Variants in WNK1 observed in about 807,000 individuals in gnomAD.
WNK1 encodes serine/threonine-protein kinase WNK1.
A neutral mutation model predicts 222.8 loss-of-function variants in WNK1; 38 were observed. The observed-to-expected ratio is 0.17, with a 90% CI of 0.13 to 0.22. The LOEUF (loss-of-function observed/expected upper bound fraction) is 0.22, where lower values mean the gene tolerates loss of function less well. Ranked by LOEUF, WNK1 falls within the 10% of genes least tolerant of loss-of-function variation. The pLI is 1.00. For synonymous variants in WNK1, 1,090 were observed against 1,092.9 expected (o/e 1.00, Z 0.05); for missense variants, 2,348 against 2,918.4 (o/e 0.80, Z 4.50).
chr12:895,865 A>C (rs1275281530), intron 23 of WNK1, among the ~76,000 whole-genome samples: 1 of 152,226 alleles, frequency 6.6e-6, no homozygotes, highest in Non-Finnish European at 1.5e-5. Context: ...CCAGCCACAC[A>C]GAATCTGCAT....
intron 8 of WNK1, chr12:865,333 G>T: frequency 6.5e-7 from 1 of 1,536,080 alleles, no homozygotes; most frequent in Non-Finnish European, 8.7e-7. Flanking sequence ...AAGCACCGAC[G>T]CTCCAGCCTG....
At chr12:769,200 T>C (rs1942151820) in intron 1 of WNK1, among the ~76,000 whole-genome samples, 3 of 151,372 alleles carry the variant, frequency 2.0e-5, no homozygotes, top group African/African-American at 7.3e-5. Context: ...GAAGCTACCT[T>C]CCGTTTCCTT....
intron 1 of WNK1, among the ~76,000 whole-genome samples, chr12:792,138 CAA>C (rs745695056): frequency 1.3e-5 from 2 of 151,912 alleles, no homozygotes; most frequent in African/African-American, 4.8e-5. Flanking sequence ...CTTGTCAAGG[CAA>C]AGTTTTTTGA....
intron 4 of WNK1, among the ~76,000 whole-genome samples, chr12:831,985 A>G (rs1054274316): frequency 1.3e-5 from 2 of 151,958 alleles, no homozygotes; most frequent in African/African-American, 2.4e-5. Flanking sequence ...ATGTAATTTA[A>G]TTGAATTTTG....
intron 20 of WNK1, 81 bp from the exon 21 acceptor site, chr12:889,059 G>GT: frequency 9.7e-7 from 1 of 1,026,624 alleles, no homozygotes; most frequent in Non-Finnish European, 1.6e-6. Flanking sequence ...GCATAAAACA[G>GT]TGTGTCCTAT....
At chr12:888,926 C>CT (rs1213227778) in intron 20 of WNK1, among the ~76,000 whole-genome samples, 10 of 152,224 alleles carry the variant, frequency 6.6e-5, no homozygotes, top group Non-Finnish European at 8.8e-5. Flanking sequence ...ATGAACTACT[C>CT]TGAGCCTTGA....
At chr12:814,783 A>G (rs2154012498) in intron 2 of WNK1, among the ~76,000 whole-genome samples, 1 of 152,286 alleles carries the variant, frequency 6.6e-6, no homozygotes, top group South Asian at 2.1e-4. Flanking sequence ...CAAGCACATT[A>G]CATTTATTGT....
intron 4 of WNK1, among the ~76,000 whole-genome samples, chr12:833,124 T>C (rs1391525593): frequency 6.6e-6 from 1 of 152,200 alleles, no homozygotes; most frequent in African/African-American, 2.4e-5. Flanking sequence ...TCTTGTTTTT[T>C]ACTCGCTGCT....
intron 26 of WNK1, chr12:904,483 A>G (rs375256634): frequency 3.1e-6 from 4 of 1,289,140 alleles, no homozygotes; most frequent in South Asian, 2.5e-5. Flanking sequence ...TGTCCTTGCA[A>G]CCAGCTCTGT....
At chr12:811,507 A>G (rs1376667102) in intron 1 of WNK1, among the ~76,000 whole-genome samples, 1 of 152,158 alleles carries the variant, frequency 6.6e-6, no homozygotes, top group African/African-American at 2.4e-5. Context: ...TCGTCTCACA[A>G]CATTTTTCTG....
chr12:822,809 T>G (rs1948012601), intron 2 of WNK1, among the ~76,000 whole-genome samples: 1 of 152,216 alleles, frequency 6.6e-6, no homozygotes, highest in Admixed American at 6.5e-5. Context: ...AAAAATACAT[T>G]AATACTGGTT....
intron 8 of WNK1, chr12:867,938 C>A (rs938558352): frequency 6.2e-7 from 1 of 1,614,026 alleles, no homozygotes; most frequent in Non-Finnish European, 8.5e-7. Context: ...CCCAACTATT[C>A]ATGAACGTCC....
Position 910,855 on chromosome 12 carries a change from G to A in WNK1, c.*2063G>A, listed in dbSNP as rs1592289465. The A allele has an allele frequency of 6.5e-6, 1 of 153,662 alleles. No individual in the cohort carries two copies. The highest frequency in any genetic ancestry group is 1.4e-5 in the Non-Finnish European group (1 of 69,118). 9.5% of individuals were successfully genotyped at this position (153,662 alleles called of 1,614,324 possible). On this transcript the variant is annotated 3_prime_UTR_variant, in exon 28 of 28. Transcript: ENST00000315939. Reference sequence around the variant, plus strand: ...TTTTTAAAAGGTAGAAAGGAAAAGGGCAAGGGCTTCCACCCCTGCTTTAAA... The same window carrying A: ...TTTTTAAAAGGTAGAAAGGAAAAGGACAAGGGCTTCCACCCCTGCTTTAAA...
At chr12:828,262 C>T (rs773659377) in intron 3 of WNK1, among the ~76,000 whole-genome samples, 9 of 151,910 alleles carry the variant, frequency 5.9e-5, no homozygotes, top group East Asian at 5.8e-4. Context: ...GCTGAGATTG[C>T]GCCACTGCAC....
At position 896,255 on chromosome 12, in the gene WNK1, A is replaced by T. The variant is rs1269384433; in HGVS notation, c.5768A>T (p.Glu1923Val). ...TIPGISSDVP[E>V]SAHKTTASEA... Reference sequence around the variant, plus strand: ...CCTGGTATCTCTTCAGATGTGCCAGAGAGTGCCCACAAAACTACTGCCTCA... The same window carrying T: ...CCTGGTATCTCTTCAGATGTGCCAGTGAGTGCCCACAAAACTACTGCCTCA... The change falls in exon 24 of 28, where the codon GAG (glutamate) becomes GTG (valine). Residue 1923 changes from glutamate to valine, a missense_variant. Transcript: ENST00000315939. 3.7e-6 allele frequency: 6 copies of T among 1,614,224 alleles called. No homozygotes were observed. In the Middle Eastern group the frequency reaches 4.9e-4, roughly 133 times the overall value.
chr12:820,467 T>TTTG (rs1947761930), intron 2 of WNK1, among the ~76,000 whole-genome samples: 2 of 11,598 alleles, frequency 1.7e-4, no homozygotes, highest in Non-Finnish European at 4.5e-4. Context: ...TTCTTTGGGG[T>TTTG]TTTTTTTTTT....
chr12:860,942 C>T lies in WNK1; in HGVS notation c.1621-71C>T, dbSNP rs559667920. 32 of 1,090,706 alleles carry T rather than the reference C, an allele frequency of 2.9e-5. 1 individual carries two copies. The highest frequency in any genetic ancestry group is 2.9e-4 in the African/African-American group (9 of 30,838). 67.6% of individuals were successfully genotyped at this position (1,090,706 alleles called of 1,614,324 possible). On this transcript the variant is annotated intron_variant, in intron 6 of 27. Transcript: ENST00000315939. ...TTTACAATGCCTTTTTTTTTTTTGGCGGGGGGTGGTGGTGGGGGGTGTTGT... is the reference window on the plus strand; with the variant it reads ...TTTACAATGCCTTTTTTTTTTTTGGTGGGGGGTGGTGGTGGGGGGTGTTGT...
rs558381273 is a variant in WNK1 at position 797,377 on chromosome 12, T to A, written c.760-16265T>A. Among the ~76,000 whole-genome samples, 3 of 152,306 alleles carry A rather than the reference T, an allele frequency of 2.0e-5. No homozygotes were observed. In the East Asian group the frequency reaches 5.8e-4, roughly 29 times the overall value. On this transcript the variant is annotated intron_variant, in intron 1 of 27. Coordinates refer to ENST00000315939, the MANE Select transcript of WNK1 (RefSeq NM_018979.4). The stretch of plus-strand genomic sequence containing the variant: ...CTATATAAGAGAAACATCAGATTAG[T>A]GGTTTTGAATCAGTATTGTAATGTA...
intron 1 of WNK1, among the ~76,000 whole-genome samples, chr12:788,034 A>G (rs1944481881): frequency 6.6e-6 from 1 of 152,174 alleles, no homozygotes; most frequent in South Asian, 2.1e-4. Context: ...GAACTCTAGC[A>G]CAGGAGCTGA....
Sources: allele counts gnomAD v4.1 joint callset (sites outside exome capture counted in the v4.1 genomes callset), GRCh38; gene constraint gnomAD v4.1.1; transcripts MANE v1.5; gene names NCBI Gene and HGNC (gene_info 2026-07-23, HGNC 2026-07-21).